The following LNX1 variants were observed in gnomAD, a reference collection of about 807,000 sequenced individuals.
LNX1 encodes ligand of numb-protein X 1, also known as E3 ubiquitin-protein ligase LNX.
Under a neutral mutation model 68.4 loss-of-function variants are expected in LNX1, and 54 were observed. The observed-to-expected ratio is 0.79, with a 90% CI of 0.63 to 0.99. The LOEUF (loss-of-function observed/expected upper bound fraction) is 0.99. LNX1 is among the 50% of genes least tolerant of loss of function. The probability of loss-of-function intolerance (pLI) is 0.00; values close to 1 mark genes in which losing one functional copy is unlikely to be tolerated. For synonymous variants in LNX1, 336 were observed against 350.0 expected (o/e 0.96, Z 0.45); for missense variants, 906 against 926.4 (o/e 0.98, Z 0.29).
chr4:53,459,474 AT>A lies in LNX1; in HGVS notation c.*1432del. 6.2e-7 allele frequency: 1 copy of A among 1,613,180 alleles called. No individual in the cohort carries two copies. Among genetic ancestry groups the A allele is most frequent in the East Asian group, 2.2e-5 (1 of 44,868 alleles). The stretch of plus-strand genomic sequence containing the variant: ...GGCATGGTTTTGGCCTTTTGTGTAT[AT>A]TAGTACCAGAAGTAGATACTATAAA... On this transcript the variant is annotated 3_prime_UTR_variant, in exon 11 of 11. Transcript: ENST00000263925.
chr4:53,527,442 C>A (rs1414099325), intron 2 of LNX1, among the ~76,000 whole-genome samples: 3 of 152,096 alleles, frequency 2.0e-5, no homozygotes, highest in Non-Finnish European at 1.5e-5. Flanking sequence ...TCCCCCACAC[C>A]CATAATTAGT....
intron 2 of LNX1, among the ~76,000 whole-genome samples, chr4:53,516,835 TTGCCAAGTCTGA>T (rs1726823796): frequency 6.6e-6 from 1 of 152,148 alleles, no homozygotes; most frequent in Admixed American, 6.5e-5. Context: ...CAAGTGGGCA[TTGCCAAGTCTGA>T]TGCCAAGACA....
intron 2 of LNX1, among the ~76,000 whole-genome samples, chr4:53,551,495 T>A (rs934709134): frequency 4.6e-5 from 7 of 152,172 alleles, no homozygotes; most frequent in African/African-American, 1.7e-4. Context: ...TTAACTGGTA[T>A]ATGAATCCTC....
At chr4:53,501,961 A>G (rs1302686327) in intron 4 of LNX1, 1 of 152,192 alleles carries the variant, frequency 6.6e-6, no homozygotes, top group Non-Finnish European at 1.5e-5. Context: ...CAACAACTCT[A>G]TACAAGAGCT....
chr4:53,638,892 G>A (rs187573322), intron 1 of LNX1, among the ~76,000 whole-genome samples: 51 of 152,338 alleles, frequency 3.3e-4, no homozygotes, highest in Non-Finnish European at 6.3e-4. Context: ...TGGTGGGAAG[G>A]CAAATTAGTT....
chr4:53,574,509 C>G (rs1403426807), intron 1 of LNX1, among the ~76,000 whole-genome samples: 2 of 152,166 alleles, frequency 1.3e-5, no homozygotes, highest in Non-Finnish European at 2.9e-5. Context: ...TCTTCCCCAT[C>G]TTTCTCCCAA....
intron 1 of LNX1, among the ~76,000 whole-genome samples, chr4:53,623,275 C>T (rs953258029): frequency 3.3e-5 from 5 of 150,354 alleles, no homozygotes; most frequent in Admixed American, 6.7e-5. Flanking sequence ...ATGATCTTGG[C>T]TCACTGCAAC....
chr4:53,629,029 T>C (rs571978240), intron 1 of LNX1, among the ~76,000 whole-genome samples: 1 of 152,234 alleles, frequency 6.6e-6, no homozygotes, highest in African/African-American at 2.4e-5. Flanking sequence ...AGGTACAATA[T>C]ACACTACCTG....
chr4:53,633,894 A>G (rs1011592792), intron 1 of LNX1, among the ~76,000 whole-genome samples: 1 of 152,184 alleles, frequency 6.6e-6, no homozygotes, highest in Non-Finnish European at 1.5e-5. Flanking sequence ...AAAGCCCGAC[A>G]GTGAAATGTG....
At chr4:53,476,061 C>T (rs1221574321) in intron 9 of LNX1, among the ~76,000 whole-genome samples, 3 of 152,130 alleles carry the variant, frequency 2.0e-5, no homozygotes, top group African/African-American at 4.8e-5. Flanking sequence ...CTTTGCCAGG[C>T]CGAGGCAGGC....
intron 1 of LNX1, among the ~76,000 whole-genome samples, chr4:53,628,770 G>A (rs549564848): frequency 3.9e-5 from 6 of 152,072 alleles, no homozygotes; most frequent in Admixed American, 6.5e-5. Context: ...CGTGGTACAA[G>A]TATACCCTGA....
chr4:53,617,526 TCCATCC>T (rs1286522860), upstream of LNX1: 1 of 152,200 alleles, frequency 6.6e-6, no homozygotes, highest in Non-Finnish European at 1.5e-5. Flanking sequence ...CAGTGAATAA[TCCATCC>T]TTCTGCTTCA....
At chr4:53,561,580 G>A (rs1730292774) in intron 2 of LNX1, among the ~76,000 whole-genome samples, 1 of 152,152 alleles carries the variant, frequency 6.6e-6, no homozygotes, top group Non-Finnish European at 1.5e-5. Flanking sequence ...ACAGCTAGCT[G>A]TGTTGTCCTG....
chr4:53,640,211 G>A lies in LNX1; in HGVS notation c.-215+11957C>T, dbSNP rs115752654. ...TGTTGGCATTTCTTTGTAGATTTAC[G>A]TATTAAAAACAAGAACGACTGTCAG... On this transcript the variant is annotated intron_variant, in intron 1 of 2. Coordinates refer to the LNX1 transcript ENST00000507168. 4.3e-3 allele frequency among the ~76,000 whole-genome samples: 657 copies of A among 151,930 alleles called. 2 individuals carry two copies. Among genetic ancestry groups the A allele is most frequent in the Middle Eastern group, 0.017 (5 of 294 alleles).
At chr4:53,586,453 G>A (rs1221440131) in intron 1 of LNX1, among the ~76,000 whole-genome samples, 1 of 152,188 alleles carries the variant, frequency 6.6e-6, no homozygotes, top group Non-Finnish European at 1.5e-5. Context: ...TCTGCTGCTG[G>A]TGAAGTCTTT....
At chr4:53,625,932 T>C (rs531770922) in intron 1 of LNX1, among the ~76,000 whole-genome samples, 1 of 151,808 alleles carries the variant, frequency 6.6e-6, no homozygotes, top group Non-Finnish European at 1.5e-5. Context: ...ACAAGATGTG[T>C]ACACAAACAT....
rs573406338 is a variant in LNX1, at chr4:53,575,677, C to A, written c.-86-1589G>T. The A allele has an allele frequency of 1.4e-3, 1,953 of 1,385,634 alleles. 2 individuals carry two copies. The highest frequency in any genetic ancestry group is 1.7e-3 in the Non-Finnish European group (1,839 of 1,065,996). The allele number at this position is 1,385,634 out of a possible 1,614,324, so 85.8% of individuals were successfully genotyped here. The stretch of plus-strand genomic sequence containing the variant: ...ACCAGGTATCTGCATCTGGGACCCA[C>A]CCCCTGGGCTGGCTAATCAAGGAGG... On this transcript the variant is annotated intron_variant, in intron 1 of 10. Coordinates refer to ENST00000263925, the MANE Select transcript of LNX1 (RefSeq NM_001126328.3).
chr4:53,500,859 T>A (rs1725424813), intron 4 of LNX1, among the ~76,000 whole-genome samples: 1 of 152,160 alleles, frequency 6.6e-6, no homozygotes, highest in Non-Finnish European at 1.5e-5. Flanking sequence ...TGGAAAAAAA[T>A]TCATTCTGAG....
intron 2 of LNX1, among the ~76,000 whole-genome samples, chr4:53,524,564 A>T (rs1727476531): frequency 6.6e-6 from 1 of 152,192 alleles, no homozygotes; most frequent in African/African-American, 2.4e-5. Flanking sequence ...CAACCAGTAA[A>T]ATGACAGATC....
Sources: allele counts gnomAD v4.1 joint callset (sites outside exome capture counted in the v4.1 genomes callset), GRCh38; gene constraint gnomAD v4.1.1; transcripts MANE v1.5; gene names NCBI Gene and HGNC (gene_info 2026-07-23, HGNC 2026-07-21).